The following FOXL1 variants were observed in gnomAD, a reference collection of about 807,000 sequenced individuals.
FOXL1 encodes the protein forkhead box L1, also known as forkhead box protein L1.
Under a neutral mutation model 1.7 loss-of-function variants are expected in FOXL1, and 2 were observed. The ratio of observed to expected loss-of-function variants is 1.21; its 90% CI spans 0.49 to 3.80. The LOEUF is 3.80. Ranked by LOEUF, FOXL1 falls within the 30% of genes most tolerant of loss-of-function variation. FOXL1 has a pLI of 0.07. For missense variants in FOXL1, 565 were observed against 495.8 expected, an observed-to-expected ratio of 1.14 and a Z score of -1.32; for synonymous variants, 280 against 229.3, an observed-to-expected ratio of 1.22 and a Z score of -2.00.
rs573053978 is a variant in FOXL1 at position 86,580,988 on chromosome 16, C to T, written c.*1227C>T. On this transcript the variant is annotated 3_prime_UTR_variant, in exon 1 of 1. Transcript: ENST00000320241. ...TCCTGGCCCCCGCACCCCCTGCAGCCGCCCGCTCTTCCCTCCCAGCCCTGC... is the reference window on the plus strand; with the variant it reads ...TCCTGGCCCCCGCACCCCCTGCAGCTGCCCGCTCTTCCCTCCCAGCCCTGC... 1.8e-3 allele frequency: 298 copies of T among 167,162 alleles called. 2 individuals are homozygous for T. Among genetic ancestry groups the T allele is most frequent in the African/African-American group, 6.7e-3 (277 of 41,518 alleles). The allele number at this position is 167,162 out of a possible 1,614,324, so 10.4% of individuals were successfully genotyped here. A position where few individuals can be genotyped will look rare whatever the true frequency, so the allele number is the denominator to read the frequency against.
rs1403415253 is a variant in FOXL1 at position 86,581,271 on chromosome 16, G to A, written c.*1510G>A. ...ATGTCATGTGATAAAGACACAAGTA[G>A]TCACGCACTATTGGAAATAGGTTGG... On this transcript the variant is annotated 3_prime_UTR_variant, in exon 1 of 1. Transcript: ENST00000320241. 1 of 167,084 alleles carries A rather than the reference G, an allele frequency of 6.0e-6. No individual in the cohort carries two copies. The highest frequency in any genetic ancestry group is 1.5e-5 in the Non-Finnish European group (1 of 68,122). 10.4% of individuals were successfully genotyped at this position (167,084 alleles called of 1,614,324 possible).
Position 86,578,654 on chromosome 16 carries a change from G to C in FOXL1, c.-70G>C. On this transcript the variant is annotated 5_prime_UTR_variant, in exon 1 of 1. Transcript: ENST00000320241. ...GGCTCCCCGGGAGGGCCCTTGCGGC[G>C]CGGGGCGCAGTGCCTAGGCCGCCCG... 5.0e-6 allele frequency: 7 copies of C among 1,413,022 alleles called. No individual in the cohort carries two copies. The highest frequency in any genetic ancestry group is 5.7e-6 in the Non-Finnish European group (6 of 1,054,120). The allele number at this position is 1,413,022 out of a possible 1,614,324, so 87.5% of individuals were successfully genotyped here.
rs749019038 is a variant in FOXL1, at chr16:86,579,219, G to GCGGAGGCGCAGC, written c.505_516dup (p.Gln169_Ala172dup). The GCGGAGGCGCAGC allele has an allele frequency of 6.4e-7, 1 of 1,554,332 alleles. No individual in the cohort carries two copies. The highest frequency in any genetic ancestry group is 8.7e-7 in the Non-Finnish European group (1 of 1,152,436). On this transcript the variant is annotated inframe_insertion, in exon 1 of 1. Transcript: ENST00000320241. ...CCGCGCCGAGACGCACCAGCGCAGC[G>GCGGAGGCGCAGC]CGGAGGCGCAGCCGGAGGCGGGGAG...
Position 86,579,853 on chromosome 16 carries a change from A to G in FOXL1, c.*92A>G, listed in dbSNP as rs895957157. ...CCCACCGGCGGAGGATTTTAAAATGATCTTTGCCTGGGTCGGCCTGTGGGT... is the reference window on the plus strand; with the variant it reads ...CCCACCGGCGGAGGATTTTAAAATGGTCTTTGCCTGGGTCGGCCTGTGGGT... On this transcript the variant is annotated 3_prime_UTR_variant, in exon 1 of 1. Coordinates refer to ENST00000320241, the MANE Select transcript of FOXL1 (RefSeq NM_005250.3). The G allele has an allele frequency of 3.9e-6, 5 of 1,272,274 alleles. No individual in the cohort carries two copies. Among genetic ancestry groups the G allele is most frequent in the Non-Finnish European group, 5.5e-6 (5 of 901,646 alleles). The allele number at this position is 1,272,274 out of a possible 1,614,324, so 78.8% of individuals were successfully genotyped here. A position where few individuals can be genotyped will look rare whatever the true frequency, so the allele number is the denominator to read the frequency against.
Position 86,579,183 on chromosome 16 carries a change from G to T in FOXL1, c.460G>T (p.Ala154Ser). 6.2e-7 allele frequency: 1 copy of T among 1,602,554 alleles called. No individual in the cohort carries two copies. The highest frequency in any genetic ancestry group is 8.5e-7 in the Non-Finnish European group (1 of 1,175,334). Reference protein sequence around the residue: ...KPKPGPGAPEAKRPRAETHQR... With the variant: ...KPKPGPGAPESKRPRAETHQR... Reference sequence around the variant, plus strand: ...CAAGCCGGGCCCCGGGGCCCCGGAGGCCAAGAGGCCCCGCGCCGAGACGCA... The same window carrying T: ...CAAGCCGGGCCCCGGGGCCCCGGAGTCCAAGAGGCCCCGCGCCGAGACGCA... The change falls in exon 1 of 1, where the codon GCC becomes TCC. Residue 154 changes from alanine (A) to serine (S), a missense_variant. Physicochemically the swap from Ala to Ser is moderately conservative, Grantham distance 99. Transcript: ENST00000320241.
At position 86,582,619 on chromosome 16, in the gene FOXL1, G is replaced by A. The variant is rs1353799540; in HGVS notation, c.*2858G>A. 5.3e-5 allele frequency among the ~76,000 whole-genome samples: 8 copies of A among 151,956 alleles called. No individual in the cohort carries two copies. The highest frequency in any genetic ancestry group is 2.1e-4 in the South Asian group (1 of 4,814). ...ACAAAGTGTGTATACATATGTACACGTTTATATATATGTATATACATATAT... is the reference window on the plus strand; with the variant it reads ...ACAAAGTGTGTATACATATGTACACATTTATATATATGTATATACATATAT... On this transcript the variant is annotated 3_prime_UTR_variant, in exon 1 of 1. Coordinates refer to ENST00000320241, the MANE Select transcript of FOXL1 (RefSeq NM_005250.3).
At position 86,580,626 on chromosome 16, in the gene FOXL1, G is replaced by A. The variant is rs1974400767; in HGVS notation, c.*865G>A. The A allele has an allele frequency of 6.0e-6, 1 of 166,530 alleles. No individual in the cohort carries two copies. The highest frequency in any genetic ancestry group is 2.4e-5 in the African/African-American group (1 of 41,422). 10.3% of individuals were successfully genotyped at this position (166,530 alleles called of 1,614,324 possible). A position where few individuals can be genotyped will look rare whatever the true frequency, so the allele number is the denominator to read the frequency against. On this transcript the variant is annotated 3_prime_UTR_variant, in exon 1 of 1. Transcript: ENST00000320241. ...AGCTATGTAAGCCACAACAGCAGAC[G>A]TCCTATCCTTTTGCTTTTGTTTTTA... is the stretch of plus-strand genomic sequence containing the variant.
Position 86,579,231 on chromosome 16 carries a change from C to T in FOXL1, c.508C>T (p.Pro170Ser), listed in dbSNP as rs751373929. The T allele has an allele frequency of 8.4e-5, 129 of 1,530,404 alleles. No homozygotes were observed. The highest frequency in any genetic ancestry group is 1.1e-4 in the Non-Finnish European group (128 of 1,141,694). The allele number at this position is 1,530,404 out of a possible 1,614,324, so 94.8% of individuals were successfully genotyped here. ...GCACCAGCGCAGCGCGGAGGCGCAG[C>T]CGGAGGCGGGGAGCGGGGCAGGGGG... is the stretch of plus-strand genomic sequence containing the variant. The part of the protein sequence containing the change: ...ETHQRSAEAQ[P>S]EAGSGAGGSG... Residue 170 changes from proline to serine, a missense_variant, in exon 1 of 1, where the codon CCG becomes TCG. Coordinates refer to ENST00000320241, the MANE Select transcript of FOXL1 (RefSeq NM_005250.3).
rs982570852 is a variant in FOXL1, at chr16:86,582,036, C to G, written c.*2275C>G. On this transcript the variant is annotated 3_prime_UTR_variant, in exon 1 of 1. Transcript: ENST00000320241. ...TTTGATACTGCAGTTTTAAAAGGGT[C>G]GTATTTTAAAGTTACTATTCCAAAA... is the stretch of plus-strand genomic sequence containing the variant. 6.6e-6 allele frequency: 1 copy of G among 152,024 alleles called. No individual in the cohort carries two copies. 9.4% of individuals were successfully genotyped at this position (152,024 alleles called of 1,614,324 possible).
Position 86,580,031 on chromosome 16 carries a change from A to C in FOXL1, c.*270A>C. 1.9e-6 allele frequency: 1 copy of C among 522,178 alleles called. No individual in the cohort carries two copies. The highest frequency in any genetic ancestry group is 3.6e-6 in the Non-Finnish European group (1 of 280,852). 32.3% of individuals were successfully genotyped at this position (522,178 alleles called of 1,614,324 possible). ...GCACGTGGGCCCTGCAGGGACCTCC[A>C]CCGCGGGAGATTCCTTGACGTTTGA... On this transcript the variant is annotated 3_prime_UTR_variant, in exon 1 of 1. Transcript: ENST00000320241.
At position 86,578,908 on chromosome 16, in the gene FOXL1, T is replaced by G; in HGVS notation, c.185T>G (p.Ile62Ser). 6.2e-7 allele frequency: 1 copy of G among 1,614,098 alleles called. No individual in the cohort carries two copies. Among genetic ancestry groups the G allele is most frequent in the East Asian group, 2.2e-5 (1 of 44,854 alleles). ...YSYIALIAMA[I>S]QDAPEQRVTL... is the part of the protein sequence containing the mutation. The stretch of plus-strand genomic sequence containing the variant: ...TACATCGCGCTCATCGCCATGGCGA[T>G]CCAGGACGCGCCCGAGCAGAGGGTC... Residue 62 changes from isoleucine (I) to serine (S), a missense_variant, in exon 1 of 1, where the codon ATC (isoleucine) becomes AGC (serine). Transcript: ENST00000320241.
rs1453489660 is a variant in FOXL1, at chr16:86,580,362, C to G, written c.*601C>G. The stretch of plus-strand genomic sequence containing the variant: ...TGTAGGGCCCGATGAGGATTTATGA[C>G]CAATGTTCAGCTATAGAAGCTGATA... On this transcript the variant is annotated 3_prime_UTR_variant, in exon 1 of 1. Coordinates refer to ENST00000320241, the MANE Select transcript of FOXL1 (RefSeq NM_005250.3). 1.2e-5 allele frequency: 2 copies of G among 167,190 alleles called. No homozygotes were observed. Among genetic ancestry groups the G allele is most frequent in the African/African-American group, 2.4e-5 (1 of 41,462 alleles). The allele number at this position is 167,190 out of a possible 1,614,324, so 10.4% of individuals were successfully genotyped here. A position where few individuals can be genotyped will look rare whatever the true frequency, so the allele number is the denominator to read the frequency against.
At position 86,578,770 on chromosome 16, in the gene FOXL1, C is replaced by T. The variant is rs1280488133; in HGVS notation, c.47C>T (p.Pro16Leu). The stretch of plus-strand genomic sequence containing the variant: ...CGGCTGCCTGCCCTGGCCGCCTCGC[C>T]CATGCTGTATCTGTACGGTCCCGAG... ...DPRLPALAASPMLYLYGPERP... is the reference protein window; with the variant it reads ...DPRLPALAASLMLYLYGPERP... Residue 16 changes from proline (P) to leucine (L), a missense_variant, in exon 1 of 1, where the codon CCC (proline) becomes CTC (leucine). Transcript: ENST00000320241. 1.2e-6 allele frequency: 2 copies of T among 1,611,898 alleles called. No individual in the cohort carries two copies. The highest frequency in any genetic ancestry group is 1.1e-5 in the South Asian group (1 of 91,024).
rs1453232317 is a variant in FOXL1, at chr16:86,582,135, T to C, written c.*2374T>C. 2 of 152,210 alleles carry C rather than the reference T, an allele frequency of 1.3e-5. No homozygotes were observed. Among genetic ancestry groups the C allele is most frequent in the African/African-American group, 4.8e-5 (2 of 41,476 alleles). 9.4% of individuals were successfully genotyped at this position (152,210 alleles called of 1,614,324 possible). ...TCCACTTTGTGTGTTTATACATGCA[T>C]AAAGAGAAATTCTATTTAATCCCAA... On this transcript the variant is annotated 3_prime_UTR_variant, in exon 1 of 1. Coordinates refer to ENST00000320241, the MANE Select transcript of FOXL1 (RefSeq NM_005250.3).
chr16:86,580,815 A>C lies in FOXL1; in HGVS notation c.*1054A>C, dbSNP rs980972423. The C allele has an allele frequency of 1.2e-5, 2 of 167,086 alleles. No individual in the cohort carries two copies. The highest frequency in any genetic ancestry group is 4.8e-5 in the African/African-American group (2 of 41,458). The allele number at this position is 167,086 out of a possible 1,614,324, so 10.4% of individuals were successfully genotyped here. A position where few individuals can be genotyped will look rare whatever the true frequency, so the allele number is the denominator to read the frequency against. On this transcript the variant is annotated 3_prime_UTR_variant, in exon 1 of 1. Transcript: ENST00000320241. ...TAATGAAAGACTACATTTAATTTAA[A>C]AAGTTGGGTGAAACAACCAAAAGCA...
rs1477009659 is a variant in FOXL1 at position 86,579,265 on chromosome 16, C to A, written c.542C>A (p.Pro181His). 2.1e-6 allele frequency: 3 copies of A among 1,411,862 alleles called. No homozygotes were observed. Among genetic ancestry groups the A allele is most frequent in the South Asian group, 1.5e-5 (1 of 66,796 alleles). 87.5% of individuals were successfully genotyped at this position (1,411,862 alleles called of 1,614,324 possible). ...GGGAGCGGGGCAGGGGGCTCGGGCC[C>A]CGCAATCTCCCGCCTGCAGGCAGCG... ...EAGSGAGGSG[P>H]AISRLQAAPA... The change falls in exon 1 of 1, where the codon CCC becomes CAC. Residue 181 changes from proline to histidine, a missense_variant. Coordinates refer to ENST00000320241, the MANE Select transcript of FOXL1 (RefSeq NM_005250.3).
rs991638685 is a variant in FOXL1 at position 86,578,656 on chromosome 16, G to A, written c.-68G>A. On this transcript the variant is annotated 5_prime_UTR_variant, in exon 1 of 1. Coordinates refer to ENST00000320241, the MANE Select transcript of FOXL1 (RefSeq NM_005250.3). ...CTCCCCGGGAGGGCCCTTGCGGCGC[G>A]GGGCGCAGTGCCTAGGCCGCCCGGG... 3 of 1,426,660 alleles carry A rather than the reference G, an allele frequency of 2.1e-6. No homozygotes were observed. Among genetic ancestry groups the A allele is most frequent in the African/African-American group, 1.4e-5 (1 of 70,114 alleles). 88.4% of individuals were successfully genotyped at this position (1,426,660 alleles called of 1,614,324 possible). A position where few individuals can be genotyped will look rare whatever the true frequency, so the allele number is the denominator to read the frequency against.
Position 86,579,268 on chromosome 16 carries a change from C to G in FOXL1, c.545C>G (p.Ala182Gly), listed in dbSNP as rs1191714449. ...AGSGAGGSGP[A>G]ISRLQAAPAG... ...AGCGGGGCAGGGGGCTCGGGCCCCGCAATCTCCCGCCTGCAGGCAGCGCCC... is the reference window on the plus strand; with the variant it reads ...AGCGGGGCAGGGGGCTCGGGCCCCGGAATCTCCCGCCTGCAGGCAGCGCCC... The change falls in exon 1 of 1, where the codon GCA becomes GGA. Residue 182 changes from alanine to glycine, a missense_variant. Ala to Gly is a moderately conservative substitution (Grantham distance 60). Coordinates refer to ENST00000320241, the MANE Select transcript of FOXL1 (RefSeq NM_005250.3). The G allele has an allele frequency of 4.9e-6, 7 of 1,423,948 alleles. No individual in the cohort carries two copies. The highest frequency in any genetic ancestry group is 6.3e-5 in the Admixed American group (2 of 31,736). The allele number at this position is 1,423,948 out of a possible 1,614,324, so 88.2% of individuals were successfully genotyped here.
chr16:86,579,746 A>C lies in FOXL1; in HGVS notation c.1023A>C (p.Val341=), dbSNP rs1301039558. ...SYFPLQVPDT[V]LHFQ ...TCCCCCTGCAGGTTCCCGACACGGTACTCCACTTCCAGTAAAGCAAACAAT... is the reference window on the plus strand; with the variant it reads ...TCCCCCTGCAGGTTCCCGACACGGTCCTCCACTTCCAGTAAAGCAAACAAT... Residue 341 remains valine, a synonymous_variant, in exon 1 of 1, where the codon GTA becomes GTC. Coordinates refer to ENST00000320241, the MANE Select transcript of FOXL1 (RefSeq NM_005250.3). 1 of 1,612,636 alleles carries C rather than the reference A, an allele frequency of 6.2e-7. No individual in the cohort carries two copies. The highest frequency in any genetic ancestry group is 1.1e-5 in the South Asian group (1 of 91,064).
Sources: allele counts gnomAD v4.1 joint callset (sites outside exome capture counted in the v4.1 genomes callset), GRCh38; gene constraint gnomAD v4.1.1; transcripts MANE v1.5; gene names NCBI Gene and HGNC (gene_info 2026-07-23, HGNC 2026-07-21).